Variants in RARB observed in about 807,000 individuals in gnomAD.
RARB encodes the protein retinoic acid receptor beta, also known as HBV-activated protein.
Under a neutral mutation model 51.9 loss-of-function variants are expected in RARB, and 17 were observed. The ratio of observed to expected loss-of-function variants is 0.33; its 90% CI spans 0.22 to 0.49. RARB has a LOEUF of 0.49. RARB is among the 20% of genes least tolerant of loss of function. RARB has a pLI of 0.99. For synonymous variants in RARB, 215 were observed against 195.4 expected (o/e 1.10, Z -0.84); for missense variants, 369 against 550.8 (o/e 0.67, Z 3.30).
chr3:25,326,626 G>A (rs1704723503), intron 5 of RARB, among the ~76,000 whole-genome samples: 1 of 152,074 alleles, frequency 6.6e-6, no homozygotes. Context: ...TAGTTACCTT[G>A]GTGGTTTCAT....
intron 5 of RARB, among the ~76,000 whole-genome samples, chr3:25,212,916 G>T (rs1559508169): frequency 6.6e-6 from 1 of 152,178 alleles, no homozygotes; most frequent in East Asian, 1.9e-4. Flanking sequence ...TTGGGAGCCT[G>T]AACTAGGCCA....
chr3:25,039,056 A>G (rs1487731556), intron 2 of RARB, among the ~76,000 whole-genome samples: 1 of 152,220 alleles, frequency 6.6e-6, no homozygotes, highest in African/African-American at 2.4e-5. Flanking sequence ...ATTTGTTGAC[A>G]TAATTTCTGG....
chr3:25,548,101 C>CTT lies in RARB; in HGVS notation c.449-21640_449-21639dup, dbSNP rs66817079. Among the ~76,000 whole-genome samples the CTT allele has an allele frequency of 4.2e-3, 526 of 126,252 alleles. 2 individuals carry two copies. The highest frequency in any genetic ancestry group is 0.011 in the African/African-American group (372 of 33,890). 82.8% of individuals were successfully genotyped at this position (126,252 alleles called of 152,430 possible). On this transcript the variant is annotated intron_variant, in intron 3 of 7. Coordinates refer to ENST00000330688, the MANE Select transcript of RARB (RefSeq NM_000965.5). ...ATTGTCATTTCTGTGATTCATTTGGCTTTTTTTTTTTTTTTTTTGAAGTGG... is the reference window on the plus strand; with the variant it reads ...ATTGTCATTTCTGTGATTCATTTGGCTTTTTTTTTTTTTTTTTTTTGAAGTGG...
At chr3:25,144,379 G>T (rs1000449305) in intron 4 of RARB, among the ~76,000 whole-genome samples, 7 of 152,080 alleles carry the variant, frequency 4.6e-5, no homozygotes, top group Admixed American at 4.6e-4. Flanking sequence ...AAACAGTTTT[G>T]AGGAGGTTCT....
At chr3:25,326,988 C>A (rs560432694) in intron 5 of RARB, among the ~76,000 whole-genome samples, 6 of 152,030 alleles carry the variant, frequency 3.9e-5, no homozygotes, top group African/African-American at 4.8e-5. Flanking sequence ...ATCCCTCCCC[C>A]CTCCTCCCAC....
At chr3:25,087,020 G>T (rs1448511716) in intron 3 of RARB, among the ~76,000 whole-genome samples, 1 of 152,150 alleles carries the variant, frequency 6.6e-6, no homozygotes, top group Non-Finnish European at 1.5e-5. Flanking sequence ...ACAAGAGACA[G>T]CTTTGCAGGG....
At chr3:25,589,492 G>A (rs1701530311) in intron 5 of RARB, among the ~76,000 whole-genome samples, 6 of 152,158 alleles carry the variant, frequency 3.9e-5, no homozygotes, top group South Asian at 4.1e-4. Context: ...CATAGTACTC[G>A]AGCAGGAATA....
intron 2 of RARB, among the ~76,000 whole-genome samples, chr3:24,993,181 GA>G (rs1018460217): frequency 3.3e-5 from 5 of 151,930 alleles, no homozygotes; most frequent in African/African-American, 9.7e-5. Context: ...TGATTCTGGT[GA>G]AAAAAATCAG....
intron 2 of RARB, among the ~76,000 whole-genome samples, chr3:24,988,867 C>T (rs2125433017): frequency 6.6e-6 from 1 of 152,234 alleles, no homozygotes; most frequent in African/African-American, 2.4e-5. Context: ...GCTCTGTCAG[C>T]CAGGCTGGAG....
rs7628436 is a variant in RARB at position 25,446,182 on chromosome 3, C to T, written c.158-15011C>T. 8.3e-3 allele frequency among the ~76,000 whole-genome samples: 1,268 copies of T among 152,336 alleles called. 15 individuals carry two copies. Among genetic ancestry groups the T allele is most frequent in the African/African-American group, 0.029 (1,215 of 41,564 alleles). The stretch of plus-strand genomic sequence containing the variant: ...GTTAGTATCTTTAAAATATTACCCA[C>T]GTCTCTGTGACATATGGCTGTCATC... On this transcript the variant is annotated intron_variant, in intron 1 of 7. Transcript: ENST00000330688.
At chr3:25,250,239 A>T (rs764177766) in intron 5 of RARB, among the ~76,000 whole-genome samples, 12 of 152,072 alleles carry the variant, frequency 7.9e-5, no homozygotes, top group Non-Finnish European at 1.6e-4. Context: ...GGGCAGGGTG[A>T]TCCCCAGGCA....
At chr3:25,493,805 A>T (rs189238947) in intron 2 of RARB, among the ~76,000 whole-genome samples, 396 of 152,326 alleles carry the variant, frequency 2.6e-3, no homozygotes, top group African/African-American at 7.0e-3. Flanking sequence ...AAAATTTTTT[A>T]AAAAGCCTTA....
intron 3 of RARB, among the ~76,000 whole-genome samples, chr3:25,530,067 C>T (rs991104298): frequency 2.0e-5 from 3 of 152,272 alleles, no homozygotes; most frequent in Admixed American, 6.5e-5. Context: ...ACTGTCTCAG[C>T]GCTGACCTTG....
chr3:25,437,191 G>T (rs1006727077), intron 1 of RARB, among the ~76,000 whole-genome samples: 1 of 147,880 alleles, frequency 6.8e-6, no homozygotes, highest in Non-Finnish European at 1.5e-5. Flanking sequence ...TCGGTCTATA[G>T]CTCATAACCT....
chr3:25,459,413 G>C (rs538660175), intron 1 of RARB, among the ~76,000 whole-genome samples: 7 of 152,336 alleles, frequency 4.6e-5, no homozygotes, highest in African/African-American at 1.7e-4. Context: ...CTAAAATGCC[G>C]TGTGATGAAA....
intron 4 of RARB, among the ~76,000 whole-genome samples, chr3:25,143,854 T>G (rs1299736361): frequency 6.6e-6 from 1 of 152,076 alleles, no homozygotes; most frequent in Non-Finnish European, 1.5e-5. Flanking sequence ...TTAAATGAAG[T>G]GATGTGTGAA....
chr3:24,935,400 G>A (rs1695528820), intron 2 of RARB, among the ~76,000 whole-genome samples: 1 of 152,030 alleles, frequency 6.6e-6, no homozygotes, highest in Non-Finnish European at 1.5e-5. Flanking sequence ...ACACACTACA[G>A]CAGTATATGA....
chr3:25,327,222 TA>T (rs2125442818), intron 5 of RARB, among the ~76,000 whole-genome samples: 1 of 152,194 alleles, frequency 6.6e-6, no homozygotes, highest in South Asian at 2.1e-4. Flanking sequence ...GGGAAGAAAT[TA>T]TTTTTTTTTA....
At chr3:25,141,328 A>G (rs899538759) in intron 4 of RARB, among the ~76,000 whole-genome samples, 5 of 152,198 alleles carry the variant, frequency 3.3e-5, no homozygotes, top group African/African-American at 1.2e-4. Context: ...GATGGTACAA[A>G]TAGAATTAAC....
Sources: allele counts gnomAD v4.1 joint callset (sites outside exome capture counted in the v4.1 genomes callset), GRCh38; gene constraint gnomAD v4.1.1; transcripts MANE v1.5; gene names NCBI Gene and HGNC (gene_info 2026-07-23, HGNC 2026-07-21).